RIMKLB: variants seen among roughly 807,000 people sequenced by gnomAD.
RIMKLB encodes ribosomal modification protein rimK like family member B.
Under a neutral mutation model 32.0 loss-of-function variants are expected in RIMKLB, and 7 were observed. The observed-to-expected ratio is 0.22, with a 90% CI of 0.12 to 0.41. The LOEUF (loss-of-function observed/expected upper bound fraction) is 0.41, where lower values mean the gene tolerates loss of function less well. RIMKLB is among the 10% of genes least tolerant of loss of function. The probability of loss-of-function intolerance (pLI) is 1.00; values close to 1 mark genes in which losing one functional copy is unlikely to be tolerated. For synonymous variants in RIMKLB, 172 were observed against 185.1 expected (o/e 0.93, Z 0.57); for missense variants, 289 against 498.7 (o/e 0.58, Z 4.00).
chr12:8,727,560 G>A (rs1300395856), intron 2 of RIMKLB, among the ~76,000 whole-genome samples: 1 of 152,094 alleles, frequency 6.6e-6, no homozygotes, highest in Non-Finnish European at 1.5e-5. Context: ...TGTATCCATG[G>A]GTTTTGCATC....
chr12:8,686,809 A>G (rs1942591268), intron 1 of RIMKLB, among the ~76,000 whole-genome samples: 3 of 152,156 alleles, frequency 2.0e-5, no homozygotes, highest in Non-Finnish European at 4.4e-5. Flanking sequence ...AGTTAATGCT[A>G]TATAGACAGC....
chr12:8,781,313 G>A (rs1451603818), downstream of RIMKLB, among the ~76,000 whole-genome samples: 1 of 152,200 alleles, frequency 6.6e-6, no homozygotes, highest in Non-Finnish European at 1.5e-5. Context: ...CTGCACTCCA[G>A]CCTGGGCAAC....
chr12:8,773,994 AGGT>A lies in RIMKLB; in HGVS notation c.*213_*215del. 2.2e-6 allele frequency: 3 copies of A among 1,367,562 alleles called. No individual in the cohort carries two copies. The highest frequency in any genetic ancestry group is 1.9e-6 in the Non-Finnish European group (2 of 1,064,152). The allele number at this position is 1,367,562 out of a possible 1,614,324, so 84.7% of individuals were successfully genotyped here. ...AATCCTACAAATAGAGAGGCAGAATAGGTGGGGTATAGAAAAATGTCAGGCTCT... is the reference window on the plus strand; with the variant it reads ...AATCCTACAAATAGAGAGGCAGAATAGGGGTATAGAAAAATGTCAGGCTCT... On this transcript the variant is annotated 3_prime_UTR_variant, in exon 6 of 6. Transcript: ENST00000535829.
intron 4 of RIMKLB, 146 bp downstream of exon 4, chr12:8,752,189 G>A: frequency 3.5e-6 from 2 of 563,496 alleles, no homozygotes; most frequent in South Asian, 5.4e-5. Flanking sequence ...TGTTCAGTTT[G>A]GCTAAAAGCT....
intron 1 of RIMKLB, 184 bp from the exon 2 acceptor site, chr12:8,713,624 AGGT>A (rs1406348714): frequency 4.4e-6 from 2 of 456,506 alleles, no homozygotes; most frequent in Non-Finnish European, 8.0e-6. Flanking sequence ...ATTTCTGAAG[AGGT>A]GGTCAGTTTC....
At chr12:8,769,067 T>G (rs1950198145) in intron 5 of RIMKLB, among the ~76,000 whole-genome samples, 1 of 151,926 alleles carries the variant, frequency 6.6e-6, no homozygotes, top group African/African-American at 2.4e-5. Flanking sequence ...TCTGGAGAAT[T>G]TTCACAGTGT....
chr12:8,708,197 T>G (rs1170054266), intron 1 of RIMKLB, among the ~76,000 whole-genome samples: 1 of 152,156 alleles, frequency 6.6e-6, no homozygotes, highest in Non-Finnish European at 1.5e-5. Flanking sequence ...ATTTTTTTCC[T>G]TTAGCTTTAT....
intron 2 of RIMKLB, among the ~76,000 whole-genome samples, chr12:8,717,355 G>A (rs182160442): frequency 1.3e-5 from 2 of 152,150 alleles, no homozygotes; most frequent in African/African-American, 4.8e-5. Context: ...CATTATCTGT[G>A]CAATGTTTTC....
Position 8,682,191 on chromosome 12 carries a change from C to T in RIMKLB, n.219+373C>T, listed in dbSNP as rs868735986. The stretch of plus-strand genomic sequence containing the variant: ...ACATAAAATTAAAGGAATCAGAATT[C>T]TTCAAAGTGGAGGGAAGAACATGTA... On this transcript the variant is annotated intron_variant and non_coding_transcript_variant, in intron 1 of 1. Coordinates refer to the RIMKLB transcript ENST00000538758. Among the ~76,000 whole-genome samples, 4 of 152,138 alleles carry T rather than the reference C, an allele frequency of 2.6e-5. No homozygotes were observed. In the South Asian group the frequency reaches 8.3e-4, roughly 32 times the overall value.
the RIMKLB span, among the ~76,000 whole-genome samples, chr12:8,674,966 C>A: frequency 4.6e-5 from 7 of 150,794 alleles, no homozygotes; most frequent in East Asian, 9.8e-4. Context: ...TGGGTTCAAG[C>A]AATTCTCCTG....
chr12:8,767,513 G>A lies in RIMKLB; in HGVS notation c.698-5808G>A, dbSNP rs1473435711. ...AGGGATCAGAGGAAGTAGATTCAGA[G>A]GTAAGGAGAATTTTGGGCTACACTT... On this transcript the variant is annotated intron_variant, in intron 5 of 5. Transcript: ENST00000535829. 2.0e-5 allele frequency among the ~76,000 whole-genome samples: 3 copies of A among 152,310 alleles called. No individual in the cohort carries two copies. In the East Asian group the frequency reaches 5.8e-4, roughly 29 times the overall value.
intron 2 of RIMKLB, among the ~76,000 whole-genome samples, chr12:8,742,140 C>T (rs1003097097): frequency 5.3e-5 from 8 of 151,710 alleles, no homozygotes; most frequent in Non-Finnish European, 1.0e-4. Context: ...CCTCATGATC[C>T]GCCCGCCTCA....
Position 8,774,996 on chromosome 12 carries a change from C to CAGAT in RIMKLB, c.*1213_*1216dup. ...AAACAGAGTTTTTGACTTTAAAAAA[C>CAGAT]AGATGAGTTGTTTTCATAAGTAGAC... On this transcript the variant is annotated 3_prime_UTR_variant, in exon 6 of 6. Coordinates refer to ENST00000535829, the MANE Select transcript of RIMKLB (RefSeq NM_001297776.2). 1.0e-6 allele frequency: 1 copy of CAGAT among 985,662 alleles called. No homozygotes were observed. The highest frequency in any genetic ancestry group is 1.2e-6 in the Non-Finnish European group (1 of 829,810). 61.1% of individuals were successfully genotyped at this position (985,662 alleles called of 1,614,324 possible). A position where few individuals can be genotyped will look rare whatever the true frequency, so the allele number is the denominator to read the frequency against.
At chr12:8,721,498 C>A (rs1591737190) in intron 2 of RIMKLB, among the ~76,000 whole-genome samples, 1 of 152,166 alleles carries the variant, frequency 6.6e-6, no homozygotes, top group East Asian at 1.9e-4. Context: ...ATTGGAATGA[C>A]CATTTGGTCA....
chr12:8,719,730 G>A (rs1167664541), intron 2 of RIMKLB, among the ~76,000 whole-genome samples: 1 of 152,142 alleles, frequency 6.6e-6, no homozygotes, highest in Non-Finnish European at 1.5e-5. Flanking sequence ...TAATGTGGGA[G>A]ATTCAAAATA....
At chr12:8,671,000 G>A in the RIMKLB span, among the ~76,000 whole-genome samples, 6 of 152,198 alleles carry the variant, frequency 3.9e-5, no homozygotes, top group African/African-American at 1.4e-4. Context: ...TTTCAGCCAC[G>A]GCTGGAGTGG....
At chr12:8,737,849 G>A (rs1947156679) in intron 2 of RIMKLB, among the ~76,000 whole-genome samples, 1 of 152,108 alleles carries the variant, frequency 6.6e-6, no homozygotes. Context: ...CAAGTAGCTG[G>A]GATTACAGGC....
chr12:8,748,312 T>C (rs1018024084), intron 2 of RIMKLB, among the ~76,000 whole-genome samples: 1 of 152,198 alleles, frequency 6.6e-6, no homozygotes, highest in African/African-American at 2.4e-5. Context: ...GACATTTACA[T>C]AACTCTTATT....
At chr12:8,680,988 C>CTTTT (rs149951264), upstream of RIMKLB, among the ~76,000 whole-genome samples, 40 of 145,708 alleles carry the variant, frequency 2.7e-4, 2 homozygotes, top group African/African-American at 8.8e-4. Flanking sequence ...CAGGTCTGGT[C>CTTTT]TTTTTTTTTT....
Sources: allele counts gnomAD v4.1 joint callset (sites outside exome capture counted in the v4.1 genomes callset), GRCh38; gene constraint gnomAD v4.1.1; transcripts MANE v1.5; gene names NCBI Gene and HGNC (gene_info 2026-07-23, HGNC 2026-07-21).